MCPH1: variants seen among roughly 807,000 people sequenced by gnomAD.
The protein encoded by MCPH1 is microcephalin 1.
MCPH1 carries 104 observed loss-of-function variants against 84.5 expected under a neutral mutation model. That is an observed-to-expected ratio of 1.23 (90% CI 1.05 to 1.45). The LOEUF is 1.45. Ranked by LOEUF, MCPH1 falls within the 40% of genes most tolerant of loss-of-function variation. The probability of loss-of-function intolerance (pLI) is 0.00; values close to 1 mark genes in which losing one functional copy is unlikely to be tolerated. For synonymous variants in MCPH1, 514 were observed against 366.8 expected, an observed-to-expected ratio of 1.40 and a Z score of -4.58; for missense variants, 1,498 against 1,005.7, an observed-to-expected ratio of 1.49 and a Z score of -6.62.
chr8:6,412,059 G>C (rs943480407), intron 2 of MCPH1, among the ~76,000 whole-genome samples: 1 of 152,146 alleles, frequency 6.6e-6, no homozygotes, highest in Non-Finnish European at 1.5e-5. Flanking sequence ...TAAAACTTAA[G>C]AGGCGCTCAC....
At chr8:6,600,216 T>C (rs1409869624) in intron 12 of MCPH1, among the ~76,000 whole-genome samples, 1 of 152,028 alleles carries the variant, frequency 6.6e-6, no homozygotes, top group Admixed American at 6.6e-5. Context: ...CTGGCAAGAG[T>C]GCGGTATTTT....
rs1208397118 is a variant in MCPH1 at position 6,409,303 on chromosome 8, G to A, written c.47G>A (p.Trp16Ter). Reference protein sequence around the residue: ...LKDVVAYVEVWSSNGTENYSK... With the variant: ...LKDVVAYVEV Reference sequence around the variant, plus strand: ...GATGTAGTGGCCTATGTTGAAGTGTGGTCATCCAATGGAACAGAAAATTAT... The same window carrying A: ...GATGTAGTGGCCTATGTTGAAGTGTAGTCATCCAATGGAACAGAAAATTAT... Residue 16 changes from tryptophan to a stop codon, truncating the protein, a stop_gained, in exon 2 of 14, where the codon TGG (tryptophan) becomes TAG (stop). Coordinates refer to ENST00000344683, the MANE Select transcript of MCPH1 (RefSeq NM_024596.5). LOFTEE classifies it high-confidence loss of function. 6.2e-7 allele frequency: 1 copy of A among 1,613,790 alleles called. No homozygotes were observed. The highest frequency in any genetic ancestry group is 8.5e-7 in the Non-Finnish European group (1 of 1,179,854).
At chr8:6,497,506 A>G in intron 11 of MCPH1, among the ~76,000 whole-genome samples, 1 of 152,244 alleles carries the variant, frequency 6.6e-6, no homozygotes, top group Middle Eastern at 3.4e-3. Context: ...TCTAAAAAAA[A>G]TAGAAAAGGA....
intron 13 of MCPH1, among the ~76,000 whole-genome samples, chr8:6,628,181 C>T (rs1007775754): frequency 4.6e-5 from 7 of 151,894 alleles, no homozygotes; most frequent in South Asian, 2.1e-4. Flanking sequence ...CATTTAAAAG[C>T]GTATTAAGGC....
At chr8:6,581,124 C>T (rs1827534886) in intron 12 of MCPH1, among the ~76,000 whole-genome samples, 1 of 152,164 alleles carries the variant, frequency 6.6e-6, no homozygotes, top group South Asian at 2.1e-4. Context: ...TATATAAAGA[C>T]TTGAGCATCC....
At chr8:6,499,651 T>A (rs1811762117) in intron 11 of MCPH1, 1 of 540,214 alleles carries the variant, frequency 1.9e-6, no homozygotes, top group African/African-American at 1.9e-5. Context: ...ATCGTGAGAC[T>A]TTTTCTCAAT....
intron 9 of MCPH1, among the ~76,000 whole-genome samples, chr8:6,468,419 CT>C (rs1807267875): frequency 6.6e-6 from 1 of 152,168 alleles, no homozygotes; most frequent in Admixed American, 6.5e-5. Context: ...GCCAGCCCCT[CT>C]TCTTGGAGAG....
intron 11 of MCPH1, among the ~76,000 whole-genome samples, chr8:6,482,461 G>T (rs936719523): frequency 2.6e-5 from 4 of 152,186 alleles, no homozygotes; most frequent in African/African-American, 7.2e-5. Flanking sequence ...TAGCATCAGT[G>T]AATGAGTTCT....
At chr8:6,614,236 C>T (rs1448980999) in intron 12 of MCPH1, among the ~76,000 whole-genome samples, 2 of 152,198 alleles carry the variant, frequency 1.3e-5, no homozygotes, top group Admixed American at 6.5e-5. Context: ...TTGTGCAGAG[C>T]CAGGGCTTTC....
intron 12 of MCPH1, among the ~76,000 whole-genome samples, chr8:6,574,421 T>C (rs1826901242): frequency 6.6e-6 from 1 of 152,198 alleles, no homozygotes; most frequent in Non-Finnish European, 1.5e-5. Flanking sequence ...GAGGACCTCC[T>C]CTCAACTAGT....
intron 11 of MCPH1, chr8:6,494,016 C>G (rs1023895212): frequency 6.6e-5 from 10 of 152,026 alleles, no homozygotes; most frequent in Admixed American, 5.9e-4. Flanking sequence ...TCTTGGCTCA[C>G]TGCAACATCT....
chr8:6,421,056 T>G (rs1800123886), intron 3 of MCPH1, among the ~76,000 whole-genome samples: 1 of 152,202 alleles, frequency 6.6e-6, no homozygotes. Flanking sequence ...AGTTCTTCCC[T>G]TAGGGTGGGC....
intron 12 of MCPH1, among the ~76,000 whole-genome samples, chr8:6,567,864 G>C (rs962851578): frequency 6.6e-6 from 1 of 152,202 alleles, no homozygotes; most frequent in Non-Finnish European, 1.5e-5. Flanking sequence ...GAGACTGTCA[G>C]ATGAGAAACA....
At chr8:6,631,448 A>G (rs1797151115) in intron 13 of MCPH1, among the ~76,000 whole-genome samples, 1 of 148,510 alleles carries the variant, frequency 6.7e-6, no homozygotes, top group Admixed American at 6.8e-5. Context: ...CAATATATAA[A>G]GAACTCCTGC....
At chr8:6,519,893 T>C (rs766344540) in intron 12 of MCPH1, 3 of 1,614,110 alleles carry the variant, frequency 1.9e-6, no homozygotes, top group Non-Finnish European at 2.5e-6. Context: ...TTAGGGAATG[T>C]TAACGTGTAG....
intron 9 of MCPH1, among the ~76,000 whole-genome samples, chr8:6,458,555 G>A (rs1585890314): frequency 6.6e-6 from 1 of 151,900 alleles, no homozygotes; most frequent in African/African-American, 2.4e-5. Flanking sequence ...AAATTTGATA[G>A]CAATATAGAT....
intron 9 of MCPH1, among the ~76,000 whole-genome samples, chr8:6,467,864 C>T (rs1188081813): frequency 1.3e-5 from 2 of 152,192 alleles, no homozygotes; most frequent in South Asian, 2.1e-4. Context: ...TCCCAAAGTG[C>T]TGGGATTATA....
rs189471520 is a variant in MCPH1, at chr8:6,450,840, T to A, written c.1826-4303T>A. On this transcript the variant is annotated intron_variant, in intron 8 of 13. Coordinates refer to ENST00000344683, the MANE Select transcript of MCPH1 (RefSeq NM_024596.5). ...TCAATGCAGCCTCAACTTACTGGGC[T>A]CAAGTGATCCTCCCACCTCAGCATC... Among the ~76,000 whole-genome samples the A allele has an allele frequency of 4.6e-5, 7 of 152,188 alleles. No individual in the cohort carries two copies. In the East Asian group the frequency reaches 1.2e-3, roughly 25 times the overall value.
Position 6,439,134 on chromosome 8 carries a change from A to G in MCPH1, c.580+38A>G, listed in dbSNP as rs569137689. On this transcript the variant is annotated intron_variant, in intron 6 of 13. Transcript: ENST00000344683. Reference sequence around the variant, plus strand: ...TTTGTAAAATGAAAATTATGCAAATAGCCGATTCAATTATGGTGGAAAGCT... The same window carrying G: ...TTTGTAAAATGAAAATTATGCAAATGGCCGATTCAATTATGGTGGAAAGCT... 1.2e-5 allele frequency: 19 copies of G among 1,591,902 alleles called. No individual in the cohort carries two copies. In the South Asian group the frequency reaches 1.9e-4, roughly 16 times the overall value.
Sources: allele counts gnomAD v4.1 joint callset (sites outside exome capture counted in the v4.1 genomes callset), GRCh38; gene constraint gnomAD v4.1.1; transcripts MANE v1.5; gene names NCBI Gene and HGNC (gene_info 2026-07-23, HGNC 2026-07-21).